Variants in CFAP206 observed in about 807,000 individuals in gnomAD.
CFAP206 encodes cilia- and flagella-associated protein 206.
Under a neutral mutation model 65.4 loss-of-function variants are expected in CFAP206, and 53 were observed. The ratio of observed to expected loss-of-function variants is 0.81; its 90% CI spans 0.65 to 1.02. CFAP206 has a LOEUF of 1.02. Ranked by LOEUF, CFAP206 falls within the 50% of genes least tolerant of loss-of-function variation. The pLI, the probability that CFAP206 is intolerant of heterozygous loss-of-function variation, is 0.00. For missense variants in CFAP206, 663 were observed against 753.2 expected, an observed-to-expected ratio of 0.88 and a Z score of 1.40; for synonymous variants, 250 against 254.4, an observed-to-expected ratio of 0.98 and a Z score of 0.17.
At chr6:87,415,941 GTTAAA>G (rs1767823264) in intron 5 of CFAP206, 67 bp downstream of exon 5, 1 of 1,075,932 alleles carries the variant, frequency 9.3e-7, no homozygotes, top group Non-Finnish European at 1.2e-6. Context: ...TATAAAACAT[GTTAAA>G]TTAGAAGTGT....
At chr6:87,414,027 A>C in intron 4 of CFAP206, 127 bp downstream of exon 4, 1 of 445,964 alleles carries the variant, frequency 2.2e-6, no homozygotes. Flanking sequence ...TTGGCAATCA[A>C]CTTTGAGGAA....
At chr6:87,444,857 G>C in intron 11 of CFAP206, 4 of 552,592 alleles carry the variant, frequency 7.2e-6, no homozygotes, top group Non-Finnish European at 1.1e-5. Flanking sequence ...ATCATGGGCT[G>C]CTTCTTCCCA....
chr6:87,455,117 T>C (rs1768617421), intron 11 of CFAP206, among the ~76,000 whole-genome samples: 1 of 151,796 alleles, frequency 6.6e-6, no homozygotes, highest in South Asian at 2.1e-4. Context: ...AGACTGGGTT[T>C]CACCATGTTG....
chr6:87,412,987 G>T (rs1582131464), intron 3 of CFAP206, among the ~76,000 whole-genome samples: 1 of 152,178 alleles, frequency 6.6e-6, no homozygotes, highest in Non-Finnish European at 1.5e-5. Flanking sequence ...ATAAAATGAG[G>T]AGTGTTGTTC....
intron 11 of CFAP206, among the ~76,000 whole-genome samples, chr6:87,447,066 G>A (rs754443006): frequency 1.3e-5 from 2 of 152,154 alleles, no homozygotes; most frequent in Non-Finnish European, 2.9e-5. Context: ...CTTTGCTGAA[G>A]TTGCTTATTA....
At chr6:87,421,915 T>C in intron 7 of CFAP206, among the ~76,000 whole-genome samples, 1 of 152,314 alleles carries the variant, frequency 6.6e-6, no homozygotes, top group Non-Finnish European at 1.5e-5. Flanking sequence ...TCTGTTGTAA[T>C]AAGAACATTA....
Position 87,428,829 on chromosome 6 carries a change from T to C in CFAP206, c.1159+5T>C, listed in dbSNP as rs1213866191. The C allele has an allele frequency of 2.5e-6, 4 of 1,611,720 alleles. No homozygotes were observed. The highest frequency in any genetic ancestry group is 3.4e-6 in the Non-Finnish European group (4 of 1,177,786). On this transcript the variant is annotated splice_donor_5th_base_variant and intron_variant, in intron 9 of 12. Coordinates refer to ENST00000369562, the MANE Select transcript of CFAP206 (RefSeq NM_001031743.3). ...GTAGAATGAAAGAACACATGGGTAA[T>C]GAAAATCATCCATTATTTCCTCTTC...
At chr6:87,461,728 G>A (rs922508326) in intron 12 of CFAP206, among the ~76,000 whole-genome samples, 39 of 123,130 alleles carry the variant, frequency 3.2e-4, no homozygotes, top group African/African-American at 1.2e-3. Context: ...AAAATATTTT[G>A]TCTGTAGCCC....
At position 87,421,991 on chromosome 6, in the gene CFAP206, G is replaced by A. The variant is rs182743927; in HGVS notation, c.840+3575G>A. Among the ~76,000 whole-genome samples, 14 of 152,224 alleles carry A rather than the reference G, an allele frequency of 9.2e-5. No individual in the cohort carries two copies. In the East Asian group the frequency reaches 1.9e-3, roughly 21 times the overall value. On this transcript the variant is annotated intron_variant, in intron 7 of 12. Coordinates refer to ENST00000369562, the MANE Select transcript of CFAP206 (RefSeq NM_001031743.3). ...TGACTAGACTTGTTGAAAATTGTCC[G>A]TGGAAGAAAGTATGAGGAACTTATA...
chr6:87,450,015 T>C (rs1041689482), intron 11 of CFAP206, among the ~76,000 whole-genome samples: 1 of 152,156 alleles, frequency 6.6e-6, no homozygotes, highest in African/African-American at 2.4e-5. Context: ...GAGATAGAGG[T>C]CTAGTTTCAT....
chr6:87,445,410 T>C (rs1768426274), intron 11 of CFAP206, among the ~76,000 whole-genome samples: 1 of 152,016 alleles, frequency 6.6e-6, no homozygotes, highest in African/African-American at 2.4e-5. Flanking sequence ...TCTGTGTCCA[T>C]GTTTTCTCAT....
At chr6:87,436,871 C>A (rs1030261264) in intron 11 of CFAP206, 4 of 152,162 alleles carry the variant, frequency 2.6e-5, no homozygotes, top group African/African-American at 9.7e-5. Context: ...AATTTAACTT[C>A]ATTATAAGGC....
chr6:87,410,746 C>A, intron 3 of CFAP206, 78 bp downstream of exon 3: 5 of 1,113,204 alleles, frequency 4.5e-6, no homozygotes, highest in East Asian at 2.4e-5. Context: ...GTCATTATTG[C>A]CTTCAGCTGC....
chr6:87,438,165 T>G (rs1158903973), intron 11 of CFAP206, among the ~76,000 whole-genome samples: 1 of 151,984 alleles, frequency 6.6e-6, no homozygotes, highest in Non-Finnish European at 1.5e-5. Flanking sequence ...ACATAATTGT[T>G]TAAGATAATT....
chr6:87,458,882 T>G (rs933550221), intron 11 of CFAP206, among the ~76,000 whole-genome samples: 2 of 152,054 alleles, frequency 1.3e-5, no homozygotes, highest in Non-Finnish European at 2.9e-5. Flanking sequence ...CTGATGTGAT[T>G]ATTACACATT....
At chr6:87,444,905 G>A in intron 11 of CFAP206, 1 of 539,398 alleles carries the variant, frequency 1.9e-6, no homozygotes, top group Admixed American at 1.9e-5. Flanking sequence ...CGCTTGTAAG[G>A]CTCACCACTT....
At position 87,417,837 on chromosome 6, in the gene CFAP206, C is replaced by A. The variant is rs62417639; in HGVS notation, c.632-371C>A. Among the ~76,000 whole-genome samples the A allele has an allele frequency of 4.7e-5, 7 of 148,926 alleles. No homozygotes were observed. The East Asian group carries it at 1.4e-3, about 30-fold the overall frequency. On this transcript the variant is annotated intron_variant, in intron 6 of 12. Coordinates refer to ENST00000369562, the MANE Select transcript of CFAP206 (RefSeq NM_001031743.3). The stretch of plus-strand genomic sequence containing the variant: ...GTGGCGCGATCTCGGCTTACTGCAA[C>A]CTCCGCCTCCCGGGTTCAAGTGATT...
At chr6:87,448,869 A>G (rs1297498858) in intron 11 of CFAP206, among the ~76,000 whole-genome samples, 1 of 152,126 alleles carries the variant, frequency 6.6e-6, no homozygotes, top group Non-Finnish European at 1.5e-5. Flanking sequence ...ATGATATTCT[A>G]TTGTGTAAAT....
chr6:87,415,568 G>A, intron 4 of CFAP206, 118 bp from the exon 5 acceptor site: 1 of 930,356 alleles, frequency 1.1e-6, no homozygotes, highest in Non-Finnish European at 1.7e-6. Flanking sequence ...TACAGCTTAA[G>A]AAATTACTTG....
Sources: allele counts gnomAD v4.1 joint callset (sites outside exome capture counted in the v4.1 genomes callset), GRCh38; gene constraint gnomAD v4.1.1; transcripts MANE v1.5; gene names NCBI Gene and HGNC (gene_info 2026-07-23, HGNC 2026-07-21).